The following ZNF143 variants were observed in gnomAD, a reference collection of about 807,000 sequenced individuals.
ZNF143 encodes SPH-binding factor.
Under a neutral mutation model 74.1 loss-of-function variants are expected in ZNF143, and 49 were observed. The observed-to-expected ratio is 0.66, with a 90% CI of 0.53 to 0.84. ZNF143 has a LOEUF of 0.84. Among genes scored for constraint, ZNF143 ranks in the 40% least tolerant of loss-of-function variants. ZNF143 has a pLI of 0.00. For missense variants in ZNF143, 637 were observed against 793.4 expected (o/e 0.80, Z 2.37); for synonymous variants, 304 against 282.8 (o/e 1.07, Z -0.75).
chr11:9,520,744 G>T (rs1848894776), intron 14 of ZNF143, among the ~76,000 whole-genome samples: 1 of 152,154 alleles, frequency 6.6e-6, no homozygotes, highest in African/African-American at 2.4e-5. Context: ...AGCTGAGATT[G>T]CACCATTGCA....
chr11:9,481,186 G>C (rs1847223699), intron 7 of ZNF143, among the ~76,000 whole-genome samples: 1 of 152,108 alleles, frequency 6.6e-6, no homozygotes, highest in Non-Finnish European at 1.5e-5. Flanking sequence ...CCAGAAGTTT[G>C]AGACCAGCCC....
chr11:9,498,889 C>T, intron 10 of ZNF143, among the ~76,000 whole-genome samples: 1 of 152,142 alleles, frequency 6.6e-6, no homozygotes, highest in African/African-American at 2.4e-5. Context: ...TTAACTATGA[C>T]CCCAGATTGG....
At chr11:9,465,888 A>G (rs907711698) in intron 1 of ZNF143, among the ~76,000 whole-genome samples, 2 of 151,878 alleles carry the variant, frequency 1.3e-5, no homozygotes, top group African/African-American at 4.8e-5. Flanking sequence ...ACAGTGGCAC[A>G]ATCACAGCTC....
Position 9,482,446 on chromosome 11 carries a change from A to G in ZNF143, c.645+2900A>G, listed in dbSNP as rs181030466. Among the ~76,000 whole-genome samples, 33 of 148,682 alleles carry G rather than the reference A, an allele frequency of 2.2e-4. No homozygotes were observed. In the East Asian group the frequency reaches 4.7e-3, roughly 21 times the overall value. ...CCACCATGCCTGGCTAATTTTTTGT[A>G]TTTTTAGTACAGATGGGGTTTCACT... On this transcript the variant is annotated intron_variant, in intron 7 of 15. Coordinates refer to ENST00000396602, the MANE Select transcript of ZNF143 (RefSeq NM_003442.6).
intron 13 of ZNF143, among the ~76,000 whole-genome samples, chr11:9,515,653 CAA>C (rs57158902): frequency 2.9e-4 from 25 of 85,968 alleles, no homozygotes; most frequent in Admixed American, 2.7e-4. Flanking sequence ...GACTCTGTCT[CAA>C]AAAAAAAAAA....
chr11:9,489,104 T>C (rs1847672434), intron 7 of ZNF143, among the ~76,000 whole-genome samples: 1 of 152,202 alleles, frequency 6.6e-6, no homozygotes, highest in African/African-American at 2.4e-5. Context: ...AGGTCATTGC[T>C]ATTTTTGTAG....
chr11:9,485,240 T>C (rs1489532217), intron 7 of ZNF143, among the ~76,000 whole-genome samples: 1 of 151,286 alleles, frequency 6.6e-6, no homozygotes, highest in East Asian at 1.9e-4. Flanking sequence ...TGTTTATGTT[T>C]AGAAAATCCA....
chr11:9,485,865 G>A (rs77808172), intron 7 of ZNF143, among the ~76,000 whole-genome samples: 5,817 of 151,408 alleles, frequency 0.038, 560 homozygotes, highest in African/African-American at 0.13. Flanking sequence ...GCATTAGGCC[G>A]TTACAGTAAA....
In ZNF143 at chr11:9,476,746, C is replaced by CTTTTTTTTTTTTTTTTTTTTTT; in HGVS notation, c.374-1634_374-1613dup. Reference sequence around the variant, plus strand: ...TTGTTGTGAAGCCAAAGGGAGGAATCTTTTTTTTTTTTTTTTTTTTTTTTT... The same window carrying CTTTTTTTTTTTTTTTTTTTTTT: ...TTGTTGTGAAGCCAAAGGGAGGAATCTTTTTTTTTTTTTTTTTTTTTTTTTTTTTTTTTTTTTTTTTTTTTTT... On this transcript the variant is annotated intron_variant, in intron 5 of 15. Transcript: ENST00000396602. 5.7e-5 allele frequency among the ~76,000 whole-genome samples: 2 copies of CTTTTTTTTTTTTTTTTTTTTTT among 34,834 alleles called. 1 individual carries two copies. The highest frequency in any genetic ancestry group is 1.1e-4 in the Non-Finnish European group (2 of 18,722). 22.9% of individuals were successfully genotyped at this position (34,834 alleles called of 152,430 possible).
At chr11:9,496,437 C>G in intron 9 of ZNF143, 59 bp downstream of exon 9, 1 of 1,437,812 alleles carries the variant, frequency 7.0e-7, no homozygotes, top group Non-Finnish European at 9.8e-7. Context: ...TAGAGACAGG[C>G]TAGTGGAAGG....
intron 5 of ZNF143, 139 bp from the exon 6 acceptor site, chr11:9,478,251 T>C: frequency 3.9e-6 from 3 of 779,006 alleles, no homozygotes; most frequent in Non-Finnish European, 6.0e-6. Flanking sequence ...GAGGATTAAA[T>C]GAAATAACAC....
chr11:9,476,793 T>G (rs1246863439), intron 5 of ZNF143, among the ~76,000 whole-genome samples: 2 of 112,730 alleles, frequency 1.8e-5, no homozygotes, highest in African/African-American at 3.4e-5. Context: ...AGACTCTCGC[T>G]CTCTCTCCCA....
At chr11:9,493,332 A>C (rs576113526) in intron 7 of ZNF143, among the ~76,000 whole-genome samples, 1 of 152,214 alleles carries the variant, frequency 6.6e-6, no homozygotes, top group African/African-American at 2.4e-5. Context: ...GGCCTCACAA[A>C]GTTCTGGGAT....
chr11:9,462,703 C>G (rs889617973), intron 1 of ZNF143, among the ~76,000 whole-genome samples: 1 of 151,980 alleles, frequency 6.6e-6, no homozygotes, highest in South Asian at 2.1e-4. Context: ...GTGAAACCCC[C>G]GTCTCTGCGA....
chr11:9,467,868 TTGTC>T (rs1856340563), intron 1 of ZNF143, among the ~76,000 whole-genome samples: 1 of 140,550 alleles, frequency 7.1e-6, no homozygotes, highest in East Asian at 2.1e-4. Context: ...AAAAAAAAAG[TTGTC>T]TGTCAGGAAT....
intron 7 of ZNF143, among the ~76,000 whole-genome samples, chr11:9,489,887 T>C (rs1023357839): frequency 3.3e-5 from 5 of 152,144 alleles, no homozygotes; most frequent in Non-Finnish European, 7.3e-5. Context: ...TATATGTATT[T>C]AAAAAACACT....
intron 12 of ZNF143, among the ~76,000 whole-genome samples, chr11:9,511,667 A>G (rs774361512): frequency 1.3e-5 from 2 of 149,966 alleles, no homozygotes; most frequent in Non-Finnish European, 1.5e-5. Flanking sequence ...CGAACTCCCA[A>G]CCTCAGGTGA....
intron 13 of ZNF143, among the ~76,000 whole-genome samples, chr11:9,513,939 G>C (rs971368521): frequency 6.6e-6 from 1 of 152,162 alleles, no homozygotes; most frequent in African/African-American, 2.4e-5. Flanking sequence ...TCCATTGTTG[G>C]ATAATTCTAG....
At chr11:9,482,172 A>G (rs1217273306) in intron 7 of ZNF143, among the ~76,000 whole-genome samples, 1 of 147,158 alleles carries the variant, frequency 6.8e-6, no homozygotes, top group Non-Finnish European at 1.5e-5. Context: ...GGGTTTCACC[A>G]TGTTAGCCAG....
Sources: allele counts gnomAD v4.1 joint callset (sites outside exome capture counted in the v4.1 genomes callset), GRCh38; gene constraint gnomAD v4.1.1; transcripts MANE v1.5; gene names NCBI Gene and HGNC (gene_info 2026-07-23, HGNC 2026-07-21).